Variants in FARS2 observed in about 807,000 individuals in gnomAD.
FARS2 encodes the protein phenylalanine--tRNA ligase, mitochondrial.
A neutral mutation model predicts 46.4 loss-of-function variants in FARS2; 40 were observed. That is an observed-to-expected ratio of 0.86 (90% CI 0.67 to 1.12). The LOEUF (loss-of-function observed/expected upper bound fraction) is 1.12. FARS2 is among the 50% of genes most tolerant of loss of function. FARS2 has a pLI of 0.00. For synonymous variants in FARS2, 234 were observed against 214.9 expected (o/e 1.09, Z -0.78); for missense variants, 513 against 567.9 (o/e 0.90, Z 0.98).
intron 1 of FARS2, among the ~76,000 whole-genome samples, chr6:5,274,737 G>GTC (rs1388050031): frequency 6.6e-6 from 1 of 151,830 alleles, no homozygotes; most frequent in East Asian, 1.9e-4. Flanking sequence ...TTGAGACAGG[G>GTC]TCTTGCTCTG....
intron 5 of FARS2, among the ~76,000 whole-genome samples, chr6:5,592,943 T>A (rs1182314929): frequency 1.3e-5 from 2 of 152,164 alleles, no homozygotes; most frequent in Non-Finnish European, 2.9e-5. Context: ...CAGCGCCTGG[T>A]CACAACCTGC....
At chr6:5,545,477 A>G (rs1770916306) in intron 5 of FARS2, 137 bp downstream of exon 5, 1 of 666,614 alleles carries the variant, frequency 1.5e-6, no homozygotes, top group South Asian at 2.6e-5. Flanking sequence ...GTTCTGGGAT[A>G]CATGTGCAGA....
chr6:5,321,880 T>A (rs1770001183), intron 1 of FARS2, among the ~76,000 whole-genome samples: 1 of 152,192 alleles, frequency 6.6e-6, no homozygotes, highest in African/African-American at 2.4e-5. Flanking sequence ...TTCATATGGG[T>A]GTTATGACAC....
At chr6:5,770,115 C>A (rs1762957361) in intron 6 of FARS2, among the ~76,000 whole-genome samples, 1 of 152,110 alleles carries the variant, frequency 6.6e-6, no homozygotes, top group African/African-American at 2.4e-5. Context: ...GTCGGGAGGA[C>A]CCTGGAAGCA....
At chr6:5,549,289 G>A (rs989198389) in intron 5 of FARS2, among the ~76,000 whole-genome samples, 1 of 151,580 alleles carries the variant, frequency 6.6e-6, no homozygotes, top group Admixed American at 6.6e-5. Flanking sequence ...CCATTAACTC[G>A]TCATTTACAT....
intron 6 of FARS2, 82 bp downstream of exon 6, chr6:5,613,402 G>A: frequency 8.1e-7 from 1 of 1,238,334 alleles, no homozygotes; most frequent in Non-Finnish European, 1.1e-6. Flanking sequence ...AAAATTTGCT[G>A]AAACCCAGGG....
chr6:5,335,918 G>A (rs1028238104), intron 1 of FARS2, among the ~76,000 whole-genome samples: 7 of 152,106 alleles, frequency 4.6e-5, no homozygotes, highest in African/African-American at 1.4e-4. Context: ...CTTTTTGTAC[G>A]TCTGAGTTGG....
chr6:5,484,836 T>C (rs943364483), intron 4 of FARS2, among the ~76,000 whole-genome samples: 1 of 152,154 alleles, frequency 6.6e-6, no homozygotes, highest in African/African-American at 2.4e-5. Context: ...GTATCCTTAG[T>C]GCGTGCAGCT....
At chr6:5,352,327 A>G (rs551144128) in intron 1 of FARS2, among the ~76,000 whole-genome samples, 1 of 152,116 alleles carries the variant, frequency 6.6e-6, no homozygotes, top group East Asian at 1.9e-4. Flanking sequence ...GCCTTAAAAA[A>G]AAAAAAGCTT....
intron 3 of FARS2, among the ~76,000 whole-genome samples, chr6:5,425,172 G>A (rs796579915): frequency 6.6e-6 from 1 of 152,268 alleles, no homozygotes; most frequent in African/African-American, 2.4e-5. Flanking sequence ...TATTTGTTCA[G>A]TTAATTTTAA....
chr6:5,456,607 C>T (rs1764885011), intron 4 of FARS2, among the ~76,000 whole-genome samples: 1 of 151,362 alleles, frequency 6.6e-6, no homozygotes. Context: ...GTGGTGCGTG[C>T]CTGTAAGCTC....
At chr6:5,349,151 C>A (rs149759118) in intron 1 of FARS2, among the ~76,000 whole-genome samples, 65 of 152,224 alleles carry the variant, frequency 4.3e-4, no homozygotes, top group African/African-American at 1.5e-3. Context: ...GATATAAGAT[C>A]AACACATGAA....
intron 1 of FARS2, among the ~76,000 whole-genome samples, chr6:5,336,027 A>G (rs1435756243): frequency 6.6e-6 from 1 of 152,148 alleles, no homozygotes; most frequent in Non-Finnish European, 1.5e-5. Flanking sequence ...CTGTCTTTCT[A>G]GTGCAGACTC....
chr6:5,770,058 G>A (rs1762954800), intron 6 of FARS2, among the ~76,000 whole-genome samples: 1 of 152,126 alleles, frequency 6.6e-6, no homozygotes, highest in Admixed American at 6.5e-5. Flanking sequence ...AGATGAGGGA[G>A]AGGGAGAGGA....
chr6:5,346,730 A>G lies in FARS2; in HGVS notation c.-21-21820A>G, dbSNP rs562849349. 3.2e-4 allele frequency among the ~76,000 whole-genome samples: 49 copies of G among 152,012 alleles called. 1 individual carries two copies. The highest frequency in any genetic ancestry group is 1.2e-3 in the African/African-American group (48 of 41,410). On this transcript the variant is annotated intron_variant, in intron 1 of 6. Coordinates refer to ENST00000274680, the MANE Select transcript of FARS2 (RefSeq NM_006567.5). ...TTTATATTCACATATTCATCTGTCT[A>G]TCCCTCTATCCTCCAACAATTCTTT... is the stretch of plus-strand genomic sequence containing the variant.
At chr6:5,475,323 A>G (rs1766059938) in intron 4 of FARS2, among the ~76,000 whole-genome samples, 1 of 152,234 alleles carries the variant, frequency 6.6e-6, no homozygotes, top group Non-Finnish European at 1.5e-5. Flanking sequence ...GCGTAGTACT[A>G]CTTTGGACAT....
At chr6:5,677,901 A>C (rs1466322211) in intron 6 of FARS2, among the ~76,000 whole-genome samples, 2 of 152,228 alleles carry the variant, frequency 1.3e-5, no homozygotes, top group Admixed American at 1.3e-4. Context: ...TGAATGAATC[A>C]GTCTGTCAGG....
chr6:5,332,236 A>T (rs937777735), intron 1 of FARS2, among the ~76,000 whole-genome samples: 1 of 152,216 alleles, frequency 6.6e-6, no homozygotes, highest in African/African-American at 2.4e-5. Flanking sequence ...AGTGGGTTGT[A>T]TGCTGGAAAT....
intron 1 of FARS2, among the ~76,000 whole-genome samples, chr6:5,319,047 G>A (rs560830718): frequency 3.4e-4 from 51 of 152,236 alleles, no homozygotes; most frequent in Admixed American, 1.1e-3. Context: ...TGCTTGGTCA[G>A]CTATGTTAGG....
Sources: allele counts gnomAD v4.1 joint callset (sites outside exome capture counted in the v4.1 genomes callset), GRCh38; gene constraint gnomAD v4.1.1; transcripts MANE v1.5; gene names NCBI Gene and HGNC (gene_info 2026-07-23, HGNC 2026-07-21).